The following PDE2A variants were observed in gnomAD, a reference collection of about 807,000 sequenced individuals.
The protein encoded by PDE2A is phosphodiesterase 2A.
In PDE2A, 53 loss-of-function variants were observed where a neutral mutation model predicts 133.6. That is an observed-to-expected ratio of 0.40 (90% CI 0.32 to 0.50). PDE2A has a LOEUF of 0.50. Among genes scored for constraint, PDE2A ranks in the 20% least tolerant of loss-of-function variants. PDE2A has a pLI of 0.73. For missense variants in PDE2A, 796 were observed against 1,232.4 expected (o/e 0.65, Z 5.30); for synonymous variants, 491 against 490.2 (o/e 1.00, Z -0.02).
intron 1 of PDE2A, among the ~76,000 whole-genome samples, chr11:72,667,643 T>G (rs1049867962): frequency 2.0e-5 from 3 of 152,030 alleles, no homozygotes; most frequent in African/African-American, 7.3e-5. Context: ...TCTGGAGACA[T>G]GTGATATTAC....
At chr11:72,636,060 C>G (rs1858677965) in intron 2 of PDE2A, 4 of 1,274,166 alleles carry the variant, frequency 3.1e-6, no homozygotes, top group Non-Finnish European at 4.1e-6. Flanking sequence ...GGGAGGCATG[C>G]AAGGCCAACT....
rs1591004150 is a variant in PDE2A, at chr11:72,577,207, C to A, written c.*177G>T. ...ACAAAGTCTCCGTGAGGTTGGAAGT[C>A]TTGCTTCCATTATACAGACGAGAAA... On this transcript the variant is annotated 3_prime_UTR_variant, in exon 31 of 31. Transcript: ENST00000334456. 1.7e-6 allele frequency: 1 copy of A among 592,706 alleles called. No individual in the cohort carries two copies. Among genetic ancestry groups the A allele is most frequent in the East Asian group, 2.8e-5 (1 of 36,188 alleles). The allele number at this position is 592,706 out of a possible 1,614,324, so 36.7% of individuals were successfully genotyped here.
At chr11:72,605,417 G>T (rs146939713) in intron 3 of PDE2A, among the ~76,000 whole-genome samples, 191 bp from the exon 4 acceptor site, 1 of 152,178 alleles carries the variant, frequency 6.6e-6, no homozygotes, top group Admixed American at 6.5e-5. Context: ...GGTGAACTAA[G>T]CACCTCGTCC....
At chr11:72,585,251 C>T in intron 16 of PDE2A, 120 bp downstream of exon 16, 1 of 842,364 alleles carries the variant, frequency 1.2e-6, no homozygotes, top group Non-Finnish European at 2.0e-6. Context: ...AAGGATCCCT[C>T]AAAAGGTGAT....
chr11:72,594,917 C>A (rs79781628), intron 6 of PDE2A, among the ~76,000 whole-genome samples: 1 of 152,124 alleles, frequency 6.6e-6, no homozygotes, highest in Non-Finnish European at 1.5e-5. Flanking sequence ...TGCCTTCCCC[C>A]AGACTGAGAG....
At chr11:72,655,464 C>T (rs911671707) in intron 1 of PDE2A, among the ~76,000 whole-genome samples, 5 of 145,118 alleles carry the variant, frequency 3.4e-5, no homozygotes, top group African/African-American at 7.7e-5. Context: ...AATGGTGGCT[C>T]GTGCTCATGC....
At chr11:72,669,586 G>A (rs1855338037) in intron 1 of PDE2A, among the ~76,000 whole-genome samples, 2 of 152,192 alleles carry the variant, frequency 1.3e-5, no homozygotes, top group Admixed American at 6.5e-5. Flanking sequence ...CACCCTGGAG[G>A]CCACAATCCT....
At position 72,583,491 on chromosome 11, in the gene PDE2A, C is replaced by T; in HGVS notation, c.1675G>A (p.Glu559Lys). The change falls in exon 20 of 31, where the codon GAG becomes AAG. Residue 559 changes from glutamate (E) to lysine (K), a missense_variant. Coordinates refer to ENST00000334456, the MANE Select transcript of PDE2A (RefSeq NM_002599.5). The part of the protein sequence containing the change: ...AHSLLYKKVN[E>K]AQYRSHLANE... Reference sequence around the variant, plus strand: ...GCCAGGTGGCTGCGATACTGAGCCTCATTCACTTTTTTGTATAGGAGAGAC... The same window carrying T: ...GCCAGGTGGCTGCGATACTGAGCCTTATTCACTTTTTTGTATAGGAGAGAC... The T allele has an allele frequency of 6.2e-7, 1 of 1,612,182 alleles. No homozygotes were observed. The highest frequency in any genetic ancestry group is 8.5e-7 in the Non-Finnish European group (1 of 1,178,276).
intron 6 of PDE2A, among the ~76,000 whole-genome samples, chr11:72,593,823 G>A (rs1318588634): frequency 1.3e-5 from 2 of 152,234 alleles, no homozygotes; most frequent in Non-Finnish European, 2.9e-5. Flanking sequence ...CGTCGCCACT[G>A]GACCCCAGCA....
At chr11:72,579,078 AG>A in intron 27 of PDE2A, 69 bp from the exon 28 acceptor site, 1 of 1,224,114 alleles carries the variant, frequency 8.2e-7, no homozygotes. Context: ...CAAGGCTCCC[AG>A]GGCCCAACCC....
At chr11:72,669,036 G>A in intron 1 of PDE2A, 1 of 894,752 alleles carries the variant, frequency 1.1e-6, no homozygotes, top group Non-Finnish European at 1.3e-6. Context: ...CGCATGCCAG[G>A]GGCTAAGCTC....
rs754850555 is a variant in PDE2A, at chr11:72,577,528, G to C, written c.2682C>G (p.His894Gln). 1.4e-5 allele frequency: 23 copies of C among 1,612,316 alleles called. No homozygotes were observed. Among genetic ancestry groups the C allele is most frequent in the Non-Finnish European group, 1.9e-5 (23 of 1,179,998 alleles). Residue 894 changes from histidine to glutamine, a missense_variant, in exon 31 of 31, where the codon CAC (histidine) becomes CAG (glutamine). Physicochemically the swap from His to Gln is conservative, Grantham distance 24. Transcript: ENST00000334456. ...TGAACTTGTGGGACACCTTGGTCCAGTGCTCACGGTTGGAGGCCACGCGCT... is the reference window on the plus strand; with the variant it reads ...TGAACTTGTGGGACACCTTGGTCCACTGCTCACGGTTGGAGGCCACGCGCT... ...LYERVASNRE[H>Q]WTKVSHKFTI...
chr11:72,622,972 A>G (rs1408006690), intron 2 of PDE2A, among the ~76,000 whole-genome samples: 4 of 152,176 alleles, frequency 2.6e-5, no homozygotes, highest in Non-Finnish European at 4.4e-5. Flanking sequence ...TGATGAGTAT[A>G]TGGCAGTTTC....
At chr11:72,620,656 C>CA (rs1332258759) in intron 2 of PDE2A, among the ~76,000 whole-genome samples, 1 of 152,168 alleles carries the variant, frequency 6.6e-6, no homozygotes, top group Non-Finnish European at 1.5e-5. Context: ...TATCCACCCC[C>CA]ACCCTCCCGA....
chr11:72,642,250 C>A lies in PDE2A; in HGVS notation c.144+4G>T. On this transcript the variant is annotated splice_donor_region_variant and intron_variant, in intron 2 of 30. Transcript: ENST00000334456. The stretch of plus-strand genomic sequence containing the variant: ...CCTGGTGCCCAGCGCGGGGGCCCCC[C>A]TACCTGCAGGCTGTCGGCGCATGGC... 3 of 1,523,702 alleles carry A rather than the reference C, an allele frequency of 2.0e-6. No individual in the cohort carries two copies. The highest frequency in any genetic ancestry group is 5.2e-5 in the East Asian group (2 of 38,810). The allele number at this position is 1,523,702 out of a possible 1,614,324, so 94.4% of individuals were successfully genotyped here.
intron 2 of PDE2A, among the ~76,000 whole-genome samples, chr11:72,638,492 C>A (rs948366472): frequency 6.6e-6 from 1 of 152,274 alleles, no homozygotes; most frequent in Admixed American, 6.5e-5. Context: ...GGTGCACATG[C>A]GGAGCCCCAC....
In PDE2A at chr11:72,598,003, A is replaced by C. The variant is rs73542594; in HGVS notation, c.324-384T>G. Among the ~76,000 whole-genome samples, 1,079 of 152,312 alleles carry C rather than the reference A, an allele frequency of 7.1e-3. 10 individuals carry two copies. Among genetic ancestry groups the C allele is most frequent in the African/African-American group, 0.024 (1,010 of 41,572 alleles). On this transcript the variant is annotated intron_variant, in intron 4 of 30. Transcript: ENST00000334456. Reference sequence around the variant, plus strand: ...CAAGGAGAACTAGGGTGGAGAGAGAAGAACCCTCCCTGTCACCATCCTCAG... The same window carrying C: ...CAAGGAGAACTAGGGTGGAGAGAGACGAACCCTCCCTGTCACCATCCTCAG...
chr11:72,585,933 G>A (rs1472092867), intron 14 of PDE2A, 137 bp downstream of exon 14: 2 of 665,032 alleles, frequency 3.0e-6, no homozygotes, highest in East Asian at 2.7e-5. Context: ...AAGCCTTCAA[G>A]TTATGAGGTT....
chr11:72,641,621 C>T (rs1353807722), intron 2 of PDE2A, among the ~76,000 whole-genome samples: 3 of 152,110 alleles, frequency 2.0e-5, no homozygotes, highest in African/African-American at 7.2e-5. Flanking sequence ...GAGGGGCCCC[C>T]CACGAGGAAA....
Sources: allele counts gnomAD v4.1 joint callset (sites outside exome capture counted in the v4.1 genomes callset), GRCh38; gene constraint gnomAD v4.1.1; transcripts MANE v1.5; gene names NCBI Gene and HGNC (gene_info 2026-07-23, HGNC 2026-07-21).